PKIA: variants seen among roughly 807,000 people sequenced by gnomAD.
The protein encoded by PKIA is PKI-alpha.
Under a neutral mutation model 7.6 loss-of-function variants are expected in PKIA, and 4 were observed. The ratio of observed to expected loss-of-function variants is 0.52; its 90% CI spans 0.26 to 1.20. The LOEUF (loss-of-function observed/expected upper bound fraction) is 1.20. PKIA is among the 50% of genes most tolerant of loss of function. The pLI is 0.13. For missense variants in PKIA, 73 were observed against 86.2 expected, an observed-to-expected ratio of 0.85 and a Z score of 0.61; for synonymous variants, 21 against 30.7, an observed-to-expected ratio of 0.68 and a Z score of 1.04.
chr8:78,570,901 A>G (rs1376252807), intron 1 of PKIA, among the ~76,000 whole-genome samples: 1 of 152,154 alleles, frequency 6.6e-6, no homozygotes, highest in Non-Finnish European at 1.5e-5. Context: ...CTTCTATAGG[A>G]AGACCTGCTA....
chr8:78,571,717 T>G (rs1226254959), intron 1 of PKIA, among the ~76,000 whole-genome samples: 1 of 152,086 alleles, frequency 6.6e-6, no homozygotes, highest in Non-Finnish European at 1.5e-5. Context: ...TTGCTCACTT[T>G]CCAGGAACAG....
intron 1 of PKIA, among the ~76,000 whole-genome samples, chr8:78,544,445 A>T (rs1477812123): frequency 6.6e-6 from 1 of 152,132 alleles, no homozygotes; most frequent in South Asian, 2.1e-4. Flanking sequence ...GGTTCACCTA[A>T]CATCCTATTC....
intron 1 of PKIA, among the ~76,000 whole-genome samples, chr8:78,551,120 G>T (rs1281274772): frequency 1.3e-5 from 2 of 149,936 alleles, no homozygotes; most frequent in Non-Finnish European, 3.0e-5. Flanking sequence ...GAATTTTAAA[G>T]ATTTCAGAGA....
intron 2 of PKIA, among the ~76,000 whole-genome samples, chr8:78,597,620 A>G (rs1808256065): frequency 6.6e-6 from 1 of 152,234 alleles, no homozygotes; most frequent in Admixed American, 6.5e-5. Context: ...CTGGAGTTGA[A>G]GAATGACTAA....
At chr8:78,563,906 G>A (rs189847537) in intron 1 of PKIA, among the ~76,000 whole-genome samples, 110 of 152,174 alleles carry the variant, frequency 7.2e-4, no homozygotes, top group African/African-American at 2.5e-3. Context: ...GGAGTAGGTC[G>A]GCTGTGGAAG....
intron 1 of PKIA, among the ~76,000 whole-genome samples, chr8:78,524,202 TTA>T (rs537854318): frequency 0.059 from 7,089 of 121,080 alleles, 297 homozygotes; most frequent in South Asian, 0.069. Flanking sequence ...ACATTTATAT[TTA>T]TATATATATA....
At chr8:78,581,426 A>G (rs185406436) in intron 2 of PKIA, among the ~76,000 whole-genome samples, 1 of 152,138 alleles carries the variant, frequency 6.6e-6, no homozygotes, top group African/African-American at 2.4e-5. Context: ...ATTAATGTTA[A>G]AAAAGAAATA....
chr8:78,517,600 C>T (rs1809339658), intron 1 of PKIA, among the ~76,000 whole-genome samples: 1 of 152,144 alleles, frequency 6.6e-6, no homozygotes, highest in African/African-American at 2.4e-5. Context: ...AGTCAGAAAG[C>T]CAATGGAGCT....
At chr8:78,595,743 G>A (rs911876682) in intron 2 of PKIA, among the ~76,000 whole-genome samples, 2 of 152,094 alleles carry the variant, frequency 1.3e-5, no homozygotes, top group Non-Finnish European at 1.5e-5. Context: ...CTCCATCCAC[G>A]TTGCTGCAAC....
intron 1 of PKIA, among the ~76,000 whole-genome samples, chr8:78,545,253 G>A (rs1309185812): frequency 6.6e-6 from 1 of 151,968 alleles, no homozygotes; most frequent in Non-Finnish European, 1.5e-5. Context: ...CTATCTTTTG[G>A]AATCTTAGAA....
At chr8:78,536,686 C>T (rs529703020) in intron 1 of PKIA, among the ~76,000 whole-genome samples, 19 of 152,082 alleles carry the variant, frequency 1.2e-4, no homozygotes, top group Admixed American at 2.6e-4. Context: ...CTTTTTTGAA[C>T]TTTGGGAAAG....
At chr8:78,554,415 A>T (rs1249665966) in intron 1 of PKIA, among the ~76,000 whole-genome samples, 1 of 152,004 alleles carries the variant, frequency 6.6e-6, no homozygotes, top group Non-Finnish European at 1.5e-5. Flanking sequence ...AGCCACCAAT[A>T]TTTAAATCCA....
At chr8:78,579,741 G>A (rs2130196132) in intron 2 of PKIA, among the ~76,000 whole-genome samples, 2 of 152,176 alleles carry the variant, frequency 1.3e-5, no homozygotes, top group Middle Eastern at 3.4e-3. Flanking sequence ...AGACATGTGA[G>A]TTACACCATG....
At chr8:78,546,869 C>T (rs183340604) in intron 1 of PKIA, among the ~76,000 whole-genome samples, 1 of 152,220 alleles carries the variant, frequency 6.6e-6, no homozygotes, top group East Asian at 1.9e-4. Context: ...AAGCATTTGA[C>T]CACAAAATTA....
In PKIA at chr8:78,602,694, A is replaced by AATATATATATATATATATATATATAT. The variant is rs34597437; in HGVS notation, c.*893_*894insATATATATATATATATATATATATAT. ...CTCAAGTGGAGAACTTCTCCCACATAATATATATATATATATATATTTTAA... is the reference window on the plus strand; with the variant it reads ...CTCAAGTGGAGAACTTCTCCCACATAATATATATATATATATATATATATATATATATATATATATATATATTTTAA... On this transcript the variant is annotated 3_prime_UTR_variant, in exon 4 of 4. Coordinates refer to ENST00000396418, the MANE Select transcript of PKIA (RefSeq NM_006823.4). 463 of 136,746 alleles carry AATATATATATATATATATATATATAT rather than the reference A, an allele frequency of 3.4e-3. 3 individuals carry two copies. Among genetic ancestry groups the AATATATATATATATATATATATATAT allele is most frequent in the Middle Eastern group, 7.5e-3 (2 of 268 alleles). The allele number at this position is 136,746 out of a possible 1,614,324, so 8.5% of individuals were successfully genotyped here. A position where few individuals can be genotyped will look rare whatever the true frequency, so the allele number is the denominator to read the frequency against.
intron 1 of PKIA, among the ~76,000 whole-genome samples, chr8:78,563,726 G>A (rs915733317): frequency 6.6e-6 from 1 of 151,954 alleles, no homozygotes; most frequent in African/African-American, 2.4e-5. Context: ...GACATGAGGT[G>A]TGGAAAAAAA....
chr8:78,590,483 C>A (rs886794543), intron 2 of PKIA, among the ~76,000 whole-genome samples: 2 of 151,916 alleles, frequency 1.3e-5, no homozygotes, highest in African/African-American at 2.4e-5. Context: ...AAAATAATAT[C>A]TCTGTTAAGC....
rs1808430676 is a variant in PKIA, at chr8:78,604,584, CTT to C, written c.*2768_*2769del. The C allele has an allele frequency of 6.6e-6, 1 of 151,774 alleles. No homozygotes were observed. Among genetic ancestry groups the C allele is most frequent in the South Asian group, 2.1e-4 (1 of 4,818 alleles). 9.4% of individuals were successfully genotyped at this position (151,774 alleles called of 1,614,324 possible). ...TATGAGTAGGTCACATAAAGTATAT[CTT>C]TTTTAAAAAAAAGAAATTCAATTAT... On this transcript the variant is annotated 3_prime_UTR_variant, in exon 4 of 4. Transcript: ENST00000396418.
At chr8:78,601,483 G>T (rs1808347033) in intron 3 of PKIA, among the ~76,000 whole-genome samples, 1 of 152,020 alleles carries the variant, frequency 6.6e-6, no homozygotes, top group Non-Finnish European at 1.5e-5. Flanking sequence ...AAGCTTGGCT[G>T]ATCACTAACT....
Sources: allele counts gnomAD v4.1 joint callset (sites outside exome capture counted in the v4.1 genomes callset), GRCh38; gene constraint gnomAD v4.1.1; transcripts MANE v1.5; gene names NCBI Gene and HGNC (gene_info 2026-07-23, HGNC 2026-07-21).